PLCB1: variants seen among roughly 807,000 people sequenced by gnomAD.
PLCB1 encodes 1-phosphatidylinositol 4,5-bisphosphate phosphodiesterase beta-1.
A neutral mutation model predicts 161.8 loss-of-function variants in PLCB1; 46 were observed. The observed-to-expected ratio is 0.28, with a 90% CI of 0.22 to 0.36. PLCB1 has a LOEUF of 0.36. PLCB1 is among the 10% of genes least tolerant of loss of function. The probability of loss-of-function intolerance (pLI) is 1.00; values close to 1 mark genes in which losing one functional copy is unlikely to be tolerated. For synonymous variants in PLCB1, 517 were observed against 503.7 expected, an observed-to-expected ratio of 1.03 and a Z score of -0.35; for missense variants, 1,016 against 1,472.5, an observed-to-expected ratio of 0.69 and a Z score of 5.07.
chr20:8,167,093 G>C (rs1051669197), intron 2 of PLCB1, among the ~76,000 whole-genome samples: 2 of 152,148 alleles, frequency 1.3e-5, no homozygotes, highest in Non-Finnish European at 2.9e-5. Flanking sequence ...TGTAGTGTCT[G>C]ATTTCGAGAT....
chr20:8,355,942 T>C (rs1418519792), intron 2 of PLCB1, among the ~76,000 whole-genome samples: 2 of 152,208 alleles, frequency 1.3e-5, no homozygotes, highest in African/African-American at 4.8e-5. Context: ...TGATTTTTAA[T>C]GCAACAAAAT....
intron 2 of PLCB1, among the ~76,000 whole-genome samples, chr20:8,178,264 C>A (rs1287891895): frequency 6.6e-6 from 1 of 152,166 alleles, no homozygotes; most frequent in African/African-American, 2.4e-5. Flanking sequence ...TGAGAAATAG[C>A]CAAACTGCTT....
intron 3 of PLCB1, among the ~76,000 whole-genome samples, chr20:8,606,040 T>A (rs1987749665): frequency 6.6e-6 from 1 of 152,334 alleles, no homozygotes; most frequent in African/African-American, 2.4e-5. Flanking sequence ...ACATTTTCTT[T>A]ATTCAGTTAT....
intron 2 of PLCB1, among the ~76,000 whole-genome samples, chr20:8,213,690 G>A: frequency 6.6e-6 from 1 of 151,812 alleles, no homozygotes; most frequent in Non-Finnish European, 1.5e-5. Flanking sequence ...GGTGGTGGTG[G>A]TGGTGTGTGT....
In PLCB1 at chr20:8,182,407, G is replaced by T. The variant is rs1161897253; in HGVS notation, c.177+32036G>T. On this transcript the variant is annotated intron_variant, in intron 2 of 31. Transcript: ENST00000338037. ...CATATCTGAGCTTGGTCTTCCAGTG[G>T]CCTTTTGTGTTTCTCTTTTATCCTG... Among the ~76,000 whole-genome samples, 3 of 151,954 alleles carry T rather than the reference G, an allele frequency of 2.0e-5. No individual in the cohort carries two copies. In the East Asian group the frequency reaches 5.8e-4, roughly 29 times the overall value.
chr20:8,670,136 G>T (rs1349342065), intron 9 of PLCB1, among the ~76,000 whole-genome samples: 5 of 152,028 alleles, frequency 3.3e-5, no homozygotes, highest in Admixed American at 3.3e-4. Flanking sequence ...CAGCTCTAAA[G>T]CTGTACTTAA....
chr20:8,456,346 G>T (rs912243846), intron 3 of PLCB1, among the ~76,000 whole-genome samples: 3 of 152,164 alleles, frequency 2.0e-5, no homozygotes, highest in African/African-American at 4.8e-5. Flanking sequence ...AGTAAATTCC[G>T]ATCTTTGCTG....
Position 8,436,136 on chromosome 20 carries a change from C to T in PLCB1, c.246+64686C>T, listed in dbSNP as rs530598893. Among the ~76,000 whole-genome samples the T allele has an allele frequency of 2.6e-5, 4 of 152,090 alleles. No homozygotes were observed. The South Asian group carries it at 6.2e-4, about 24-fold the overall frequency. On this transcript the variant is annotated intron_variant, in intron 3 of 31. Transcript: ENST00000338037. ...GGTGGATCAGTTGAGGCCAGGAGTTCGAGACCAGCCTGGCCATGACGAAAC... is the reference window on the plus strand; with the variant it reads ...GGTGGATCAGTTGAGGCCAGGAGTTTGAGACCAGCCTGGCCATGACGAAAC...
At chr20:8,340,262 C>T (rs1403046614) in intron 2 of PLCB1, among the ~76,000 whole-genome samples, 2 of 152,164 alleles carry the variant, frequency 1.3e-5, no homozygotes, top group Non-Finnish European at 2.9e-5. Context: ...ATTTATACGG[C>T]AAACTTTAAA....
At chr20:8,697,877 A>G (rs998461753) in intron 11 of PLCB1, 94 bp downstream of exon 11, 1 of 1,134,504 alleles carries the variant, frequency 8.8e-7, no homozygotes, top group Admixed American at 2.4e-5. Context: ...AGTGGTCACA[A>G]TTAAGTCCAA....
intron 27 of PLCB1, among the ~76,000 whole-genome samples, chr20:8,775,386 G>T (rs774840506): frequency 2.6e-5 from 4 of 152,168 alleles, no homozygotes; most frequent in Non-Finnish European, 5.9e-5. Context: ...AAATATCCTT[G>T]AAAACAAGCT....
At chr20:8,465,613 C>G (rs1294723223) in intron 3 of PLCB1, among the ~76,000 whole-genome samples, 1 of 152,120 alleles carries the variant, frequency 6.6e-6, no homozygotes, top group Non-Finnish European at 1.5e-5. Flanking sequence ...AGGGTGAAAC[C>G]TGGAGTCAGT....
At chr20:8,866,740 C>T (rs1322012583) in intron 31 of PLCB1, among the ~76,000 whole-genome samples, 1 of 152,108 alleles carries the variant, frequency 6.6e-6, no homozygotes, top group Non-Finnish European at 1.5e-5. Context: ...CCTGAGAAAT[C>T]CCATCATTGT....
intron 14 of PLCB1, among the ~76,000 whole-genome samples, chr20:8,720,741 T>C (rs1365615423): frequency 1.3e-5 from 2 of 152,066 alleles, no homozygotes; most frequent in Non-Finnish European, 2.9e-5. Flanking sequence ...AATGACCTGA[T>C]TGGCTATTTG....
chr20:8,312,277 C>A (rs942707939), intron 2 of PLCB1, among the ~76,000 whole-genome samples: 1 of 152,150 alleles, frequency 6.6e-6, no homozygotes, highest in African/African-American at 2.4e-5. Context: ...TACAATTCTT[C>A]TACCCCGCAA....
intron 2 of PLCB1, among the ~76,000 whole-genome samples, chr20:8,364,842 C>T (rs1986658598): frequency 6.6e-6 from 1 of 152,306 alleles, no homozygotes; most frequent in African/African-American, 2.4e-5. Flanking sequence ...TTACCTATAA[C>T]ACATAAAAGT....
At chr20:8,846,231 A>G (rs1986686888) in intron 31 of PLCB1, among the ~76,000 whole-genome samples, 1 of 150,842 alleles carries the variant, frequency 6.6e-6, no homozygotes, top group African/African-American at 2.5e-5. Context: ...CTTTTAAACA[A>G]CCAGATCTCA....
intron 3 of PLCB1, among the ~76,000 whole-genome samples, chr20:8,487,542 T>G (rs1982780772): frequency 6.6e-6 from 1 of 152,226 alleles, no homozygotes; most frequent in Non-Finnish European, 1.5e-5. Flanking sequence ...CATGGAGTTT[T>G]GTAGTGGCAG....
rs115792253 is a variant in PLCB1, at chr20:8,319,366, A to G, written c.178-52016A>G. ...GTCTGGCGAGTAGCTGACTTCTGTGATGGGGTGACTGGGTCATGTGTCTCT... is the reference window on the plus strand; with the variant it reads ...GTCTGGCGAGTAGCTGACTTCTGTGGTGGGGTGACTGGGTCATGTGTCTCT... On this transcript the variant is annotated intron_variant, in intron 2 of 31. Transcript: ENST00000338037. 4.1e-3 allele frequency among the ~76,000 whole-genome samples: 628 copies of G among 152,112 alleles called. 6 individuals are homozygous for G. The highest frequency in any genetic ancestry group is 0.014 in the African/African-American group (587 of 41,492).
Sources: allele counts gnomAD v4.1 joint callset (sites outside exome capture counted in the v4.1 genomes callset), GRCh38; gene constraint gnomAD v4.1.1; transcripts MANE v1.5; gene names NCBI Gene and HGNC (gene_info 2026-07-23, HGNC 2026-07-21).